CPXM2: variants seen among roughly 807,000 people sequenced by gnomAD.
The protein encoded by CPXM2 is inactive carboxypeptidase-like protein X2.
A neutral mutation model predicts 86.1 loss-of-function variants in CPXM2; 66 were observed. The observed-to-expected ratio is 0.77, with a 90% CI of 0.63 to 0.94. CPXM2 has a LOEUF of 0.94. Among genes scored for constraint, CPXM2 ranks in the 40% least tolerant of loss-of-function variants. CPXM2 has a pLI of 0.00. For missense variants in CPXM2, 948 were observed against 1,026.3 expected, an observed-to-expected ratio of 0.92 and a Z score of 1.04; for synonymous variants, 388 against 400.2, an observed-to-expected ratio of 0.97 and a Z score of 0.36.
intron 4 of CPXM2, among the ~76,000 whole-genome samples, chr10:123,806,340 GA>G (rs1405512713): frequency 3.3e-5 from 5 of 152,110 alleles, no homozygotes; most frequent in African/African-American, 1.2e-4. Context: ...CACACATGTT[GA>G]AACTACTGTT....
intron 7 of CPXM2, among the ~76,000 whole-genome samples, chr10:123,772,307 A>G (rs544931345): frequency 4.6e-5 from 7 of 151,858 alleles, no homozygotes; most frequent in Admixed American, 4.6e-4. Context: ...GGTTGTAGTC[A>G]CCACCTCCCT....
chr10:123,757,746 G>A (rs1846247855), intron 11 of CPXM2, among the ~76,000 whole-genome samples: 1 of 152,304 alleles, frequency 6.6e-6, no homozygotes, highest in South Asian at 2.1e-4. Context: ...CAGTTGTGCT[G>A]TCTCAGCTAT....
chr10:123,856,262 C>A (rs1848721064), intron 3 of CPXM2, among the ~76,000 whole-genome samples: 1 of 152,200 alleles, frequency 6.6e-6, no homozygotes, highest in African/African-American at 2.4e-5. Context: ...GACTGACTTA[C>A]TGTAATTTAA....
Position 123,754,590 on chromosome 10 carries a change from T to C in CPXM2, c.2017+73A>G. The stretch of plus-strand genomic sequence containing the variant: ...ACATTTCTGGCAGTCATTTCATGAT[T>C]GTAACCCAAGTAAAATGCCTAAAAA... On this transcript the variant is annotated intron_variant, in intron 13 of 13. Transcript: ENST00000241305. The surrounding 1 kb of genome is among the most constrained non-coding windows in gnomAD (Gnocchi z 4.0). 2 of 825,612 alleles carry C rather than the reference T, an allele frequency of 2.4e-6. No individual in the cohort carries two copies. Among genetic ancestry groups the C allele is most frequent in the Non-Finnish European group, 4.2e-6 (2 of 470,780 alleles). 51.1% of individuals were successfully genotyped at this position (825,612 alleles called of 1,614,324 possible).
chr10:123,913,000 G>A lies in CPXM2; in HGVS notation n.174+26477C>T, dbSNP rs534149388. Among the ~76,000 whole-genome samples the A allele has an allele frequency of 3.9e-5, 6 of 152,290 alleles. No individual in the cohort carries two copies. In the East Asian group the frequency reaches 5.8e-4, roughly 15 times the overall value. ...GTTCTCTGCTGAAAGAGTGCTTAGC[G>A]ATGGAAATGGATCCCCGGGCTCTAC... On this transcript the variant is annotated intron_variant and non_coding_transcript_variant, in intron 2 of 19. Transcript: ENST00000368854.
At chr10:123,932,321 C>T (rs1945672836) in intron 2 of CPXM2, among the ~76,000 whole-genome samples, 1 of 152,330 alleles carries the variant, frequency 6.6e-6, no homozygotes, top group South Asian at 2.1e-4. Context: ...CAGCAACTAG[C>T]TCTGTGCAGG....
At chr10:123,832,517 AATGAG>A (rs1416712693) in intron 4 of CPXM2, among the ~76,000 whole-genome samples, 4 of 152,070 alleles carry the variant, frequency 2.6e-5, no homozygotes, top group Admixed American at 2.6e-4. Context: ...CCAAATCTCT[AATGAG>A]ATGGTATTAA....
intron 6 of CPXM2, among the ~76,000 whole-genome samples, chr10:123,790,625 C>T (rs967667943): frequency 6.6e-6 from 1 of 152,140 alleles, no homozygotes; most frequent in Non-Finnish European, 1.5e-5. Context: ...GGAGGACAGG[C>T]TGCAGCCAAC....
chr10:123,747,111 G>C, intron 13 of CPXM2, 94 bp from the exon 14 acceptor site: 1 of 1,450,108 alleles, frequency 6.9e-7, no homozygotes, highest in Non-Finnish European at 9.3e-7. Context: ...GGGCCAGAGA[G>C]AGACTCTCAG....
Position 123,862,738 on chromosome 10 carries a change from T to C in CPXM2, c.404-15A>G, listed in dbSNP as rs548067584. 6 of 1,541,758 alleles carry C rather than the reference T, an allele frequency of 3.9e-6. 1 individual carries two copies. The South Asian group carries it at 6.7e-5, about 17-fold the overall frequency. The stretch of plus-strand genomic sequence containing the variant: ...AGGTGGGCAACCTGGAAAGGACAAA[T>C]GCTTGTTAAAAACAACGACAGATGC... On this transcript the variant is annotated splice_polypyrimidine_tract_variant and intron_variant, in intron 2 of 13. Coordinates refer to ENST00000241305, the MANE Select transcript of CPXM2 (RefSeq NM_198148.3).
intron 3 of CPXM2, among the ~76,000 whole-genome samples, chr10:123,861,041 G>A (rs939235763): frequency 1.3e-5 from 2 of 152,160 alleles, no homozygotes; most frequent in Non-Finnish European, 2.9e-5. Flanking sequence ...GTCAGAGCTT[G>A]GCTCAGATGC....
intron 2 of CPXM2, among the ~76,000 whole-genome samples, chr10:123,870,592 C>T (rs1944878291): frequency 6.6e-6 from 1 of 152,226 alleles, no homozygotes; most frequent in Non-Finnish European, 1.5e-5. Flanking sequence ...AGCTCTCTGC[C>T]TTTCTCAGAT....
At chr10:123,895,922 G>A (rs1286355061), upstream of CPXM2, among the ~76,000 whole-genome samples, 1 of 152,186 alleles carries the variant, frequency 6.6e-6, no homozygotes, top group East Asian at 1.9e-4. Flanking sequence ...ATAAGCCCAT[G>A]TTTGTCCATT....
chr10:123,899,059 C>T (rs554821243), intron 2 of CPXM2, among the ~76,000 whole-genome samples: 95 of 152,224 alleles, frequency 6.2e-4, no homozygotes, highest in Middle Eastern at 3.4e-3. Context: ...CTGAAAGTTT[C>T]CTTTTACAGA....
chr10:123,868,294 C>T (rs113538606), intron 2 of CPXM2, among the ~76,000 whole-genome samples: 1 of 152,120 alleles, frequency 6.6e-6, no homozygotes, highest in Non-Finnish European at 1.5e-5. Flanking sequence ...GTCTTTGGAC[C>T]CCAGCCACCA....
rs1193438420 is a variant in CPXM2 at position 123,745,895 on chromosome 10, T to C, written c.*869A>G. 2 of 151,632 alleles carry C rather than the reference T, an allele frequency of 1.3e-5. No homozygotes were observed. Among genetic ancestry groups the C allele is most frequent in the Non-Finnish European group, 2.9e-5 (2 of 67,986 alleles). 9.4% of individuals were successfully genotyped at this position (151,632 alleles called of 1,614,324 possible). The stretch of plus-strand genomic sequence containing the variant: ...AGCACTCAATTCCACACAGGGGCAA[T>C]ACCTCAAGCAGAGAGAGGGCTTCAG... On this transcript the variant is annotated 3_prime_UTR_variant, in exon 14 of 14. Transcript: ENST00000241305.
chr10:123,898,678 A>G lies in CPXM2; in HGVS notation n.175-18369T>C, dbSNP rs28377490. Among the ~76,000 whole-genome samples the G allele has an allele frequency of 7.1e-3, 1,088 of 152,270 alleles. 10 individuals carry two copies. Among genetic ancestry groups the G allele is most frequent in the East Asian group, 0.019 (101 of 5,184 alleles). ...AACAAAAGTTCCAGATCATTTTTCA[A>G]TTTTCCAGTTGAATTTACTAAACTT... On this transcript the variant is annotated intron_variant and non_coding_transcript_variant, in intron 2 of 19. Coordinates refer to the CPXM2 transcript ENST00000368854.
intron 3 of CPXM2, among the ~76,000 whole-genome samples, chr10:123,849,266 G>A (rs1187021760): frequency 6.6e-6 from 1 of 152,010 alleles, no homozygotes; most frequent in African/African-American, 2.4e-5. Flanking sequence ...GGTTGATTTA[G>A]TAACTAAGTC....
At chr10:123,819,743 T>C (rs1847886764) in intron 4 of CPXM2, among the ~76,000 whole-genome samples, 1 of 152,212 alleles carries the variant, frequency 6.6e-6, no homozygotes, top group Non-Finnish European at 1.5e-5. Flanking sequence ...TATTTGAAGA[T>C]TATATATGAT....
Sources: gnomAD v4.1 joint callset for allele counts (sites outside exome capture counted in the v4.1 genomes callset) on GRCh38, gnomAD v4.1.1 for gene constraint, Gnocchi (gnomAD v3.1) non-coding constraint, MANE v1.5 for transcripts, NCBI Gene and HGNC (gene_info 2026-07-23, HGNC 2026-07-21) for gene names.